Variants in IPO11 observed in about 807,000 individuals in gnomAD.
IPO11 encodes importin 11.
IPO11 carries 66 observed loss-of-function variants against 143.2 expected under a neutral mutation model. That is an observed-to-expected ratio of 0.46 (90% CI 0.38 to 0.57). The LOEUF is 0.57. IPO11 is among the 20% of genes least tolerant of loss of function. The pLI is 0.00. For missense variants in IPO11, 1,026 were observed against 1,141.0 expected (o/e 0.90, Z 1.45); for synonymous variants, 385 against 377.8 (o/e 1.02, Z -0.22).
chr5:62,584,665 G>C (rs573071331), intron 27 of IPO11, among the ~76,000 whole-genome samples: 1 of 142,108 alleles, frequency 7.0e-6, no homozygotes, highest in Admixed American at 7.0e-5. Context: ...CACAGCAATA[G>C]TAACAAGGTA....
At chr5:62,492,193 G>T (rs1746638984) in intron 15 of IPO11, among the ~76,000 whole-genome samples, 1 of 152,110 alleles carries the variant, frequency 6.6e-6, no homozygotes, top group Non-Finnish European at 1.5e-5. Context: ...TATGAGTTTG[G>T]AATTTTACCT....
intron 3 of IPO11, among the ~76,000 whole-genome samples, chr5:62,443,963 A>C (rs1007510007): frequency 6.6e-6 from 1 of 152,228 alleles, no homozygotes. Flanking sequence ...TAAAAGCCGT[A>C]AGACCTTTTT....
At chr5:62,540,152 A>G (rs1217767453) in intron 24 of IPO11, among the ~76,000 whole-genome samples, 1 of 152,172 alleles carries the variant, frequency 6.6e-6, no homozygotes, top group Non-Finnish European at 1.5e-5. Flanking sequence ...CATAATTTTT[A>G]TGTTGAAGAT....
chr5:62,457,767 G>A (rs1745214562), intron 5 of IPO11, among the ~76,000 whole-genome samples: 2 of 152,142 alleles, frequency 1.3e-5, no homozygotes, highest in South Asian at 2.1e-4. Flanking sequence ...TTGAAATTAT[G>A]AATGCTAAAT....
intron 8 of IPO11, 81 bp downstream of exon 8, chr5:62,474,545 AAT>A: frequency 1.0e-6 from 1 of 963,760 alleles, no homozygotes; most frequent in Non-Finnish European, 1.6e-6. Context: ...AGCTAGGATT[AAT>A]GAGGGATTAA....
chr5:62,502,798 T>TTTCCTTTCC (rs1561337926), intron 16 of IPO11, among the ~76,000 whole-genome samples: 3 of 150,970 alleles, frequency 2.0e-5, no homozygotes, highest in Non-Finnish European at 4.4e-5. Flanking sequence ...TTTTCTTTTC[T>TTTCCTTTCC]TTTCCTTTCC....
In IPO11 at chr5:62,475,396, G is replaced by C. The variant is rs368233375; in HGVS notation, c.757+932G>C. Among the ~76,000 whole-genome samples the C allele has an allele frequency of 2.4e-3, 368 of 152,230 alleles. 1 individual carries two copies. The highest frequency in any genetic ancestry group is 6.8e-3 in the Admixed American group (104 of 15,290). On this transcript the variant is annotated intron_variant, in intron 8 of 29. Transcript: ENST00000325324. Reference sequence around the variant, plus strand: ...AAGTTAGCCAGGCATGATGGTGTGTGCCTGTAGTCCCAGTTACTCAGGACG... The same window carrying C: ...AAGTTAGCCAGGCATGATGGTGTGTCCCTGTAGTCCCAGTTACTCAGGACG...
At chr5:62,477,512 C>G (rs1034392953) in intron 9 of IPO11, among the ~76,000 whole-genome samples, 2 of 152,118 alleles carry the variant, frequency 1.3e-5, no homozygotes, top group Admixed American at 6.5e-5. Context: ...GTCTTCGTTT[C>G]TCTTGTTCCA....
intron 29 of IPO11, among the ~76,000 whole-genome samples, chr5:62,623,669 A>G (rs1746454870): frequency 6.9e-6 from 1 of 144,196 alleles, no homozygotes; most frequent in African/African-American, 2.6e-5. Context: ...TTTTTAAGAC[A>G]GAGTTTTGCT....
intron 1 of IPO11, among the ~76,000 whole-genome samples, chr5:62,420,124 A>T (rs777596485): frequency 1.5e-4 from 23 of 151,680 alleles, no homozygotes; most frequent in Non-Finnish European, 2.7e-4. Context: ...CCCTGTTTCT[A>T]CTAAAAAAAT....
intron 12 of IPO11, among the ~76,000 whole-genome samples, chr5:62,486,503 C>G (rs1313244750): frequency 6.6e-6 from 1 of 152,094 alleles, no homozygotes; most frequent in Non-Finnish European, 1.5e-5. Flanking sequence ...TAGCCCATTG[C>G]TTTCAGTTAT....
At chr5:62,518,063 G>A (rs1742085050) in intron 20 of IPO11, among the ~76,000 whole-genome samples, 1 of 151,786 alleles carries the variant, frequency 6.6e-6, no homozygotes, top group African/African-American at 2.4e-5. Context: ...CGGCATTTTG[G>A]GAGGCTGAAG....
intron 13 of IPO11, among the ~76,000 whole-genome samples, 174 bp from the exon 14 acceptor site, chr5:62,489,128 A>G (rs1430245401): frequency 2.6e-5 from 4 of 152,214 alleles, no homozygotes; most frequent in Non-Finnish European, 5.9e-5. Context: ...GTGTTCTCTA[A>G]TGATAATCAT....
chr5:62,598,424 CTT>C (rs1745328038), intron 28 of IPO11, among the ~76,000 whole-genome samples: 1 of 6,182 alleles, frequency 1.6e-4, no homozygotes, highest in East Asian at 3.2e-3. Context: ...TTCTTTCTTT[CTT>C]TCTTTCTCTC....
chr5:62,495,078 C>T (rs1262957060), intron 16 of IPO11, among the ~76,000 whole-genome samples: 4 of 152,140 alleles, frequency 2.6e-5, no homozygotes, highest in Non-Finnish European at 5.9e-5. Flanking sequence ...AAACACAATA[C>T]ATTCCAAAGG....
chr5:62,618,375 C>A (rs1000243482), intron 29 of IPO11, among the ~76,000 whole-genome samples: 3 of 151,778 alleles, frequency 2.0e-5, no homozygotes, highest in Admixed American at 2.0e-4. Flanking sequence ...TAAATGAACT[C>A]TACTTATGTC....
intron 2 of IPO11, among the ~76,000 whole-genome samples, chr5:62,439,550 G>A (rs988410323): frequency 2.0e-5 from 3 of 150,820 alleles, no homozygotes; most frequent in Non-Finnish European, 2.9e-5. Flanking sequence ...GCCTCCCAAA[G>A]TGCTGGGATT....
At chr5:62,472,678 C>A (rs1465981804) in intron 7 of IPO11, among the ~76,000 whole-genome samples, 1 of 151,978 alleles carries the variant, frequency 6.6e-6, no homozygotes, top group African/African-American at 2.4e-5. Flanking sequence ...CAGGTGCCTG[C>A]CACCATGCCC....
intron 1 of IPO11, among the ~76,000 whole-genome samples, chr5:62,416,613 T>G (rs1743301966): frequency 2.0e-5 from 3 of 152,202 alleles, no homozygotes; most frequent in African/African-American, 7.2e-5. Context: ...GGCTTCAACA[T>G]GAATTTTTAA....
Sources: gnomAD v4.1 joint callset for allele counts (sites outside exome capture counted in the v4.1 genomes callset) on GRCh38, gnomAD v4.1.1 for gene constraint, MANE v1.5 for transcripts, NCBI Gene and HGNC (gene_info 2026-07-23, HGNC 2026-07-21) for gene names.